TBC1D19: variants seen among roughly 807,000 people sequenced by gnomAD.
The protein encoded by TBC1D19 is TBC1 domain family member 19.
In TBC1D19, 60 loss-of-function variants were observed where a neutral mutation model predicts 89.0. That is an observed-to-expected ratio of 0.67 (90% CI 0.55 to 0.84). The LOEUF (loss-of-function observed/expected upper bound fraction) is 0.84. Among genes scored for constraint, TBC1D19 ranks in the 40% least tolerant of loss-of-function variants. TBC1D19 has a pLI of 0.00. For synonymous variants in TBC1D19, 189 were observed against 199.7 expected (o/e 0.95, Z 0.45); for missense variants, 500 against 610.8 (o/e 0.82, Z 1.91).
At chr4:26,818,984 T>C in the TBC1D19 span, among the ~76,000 whole-genome samples, 1 of 152,354 alleles carries the variant, frequency 6.6e-6, no homozygotes, top group Middle Eastern at 3.4e-3. Context: ...TTAGCTTATT[T>C]GTGCAAACAC....
the TBC1D19 span, among the ~76,000 whole-genome samples, chr4:26,815,784 T>C: frequency 6.6e-6 from 1 of 152,250 alleles, no homozygotes; most frequent in East Asian, 1.9e-4. Flanking sequence ...CGGTAATGTA[T>C]AGTTACACCT....
the TBC1D19 span, among the ~76,000 whole-genome samples, chr4:26,835,773 G>C: frequency 6.6e-6 from 1 of 152,090 alleles, no homozygotes; most frequent in Non-Finnish European, 1.5e-5. Context: ...ATCATGTCAC[G>C]TTTCTACTAT....
chr4:26,672,338 A>C, intron 10 of TBC1D19, 151 bp downstream of exon 10: 1 of 617,538 alleles, frequency 1.6e-6, no homozygotes, highest in South Asian at 1.9e-5. Context: ...TTACATAATG[A>C]GAATCTTTAT....
chr4:26,600,999 T>C (rs1740557057), intron 1 of TBC1D19, among the ~76,000 whole-genome samples: 1 of 152,148 alleles, frequency 6.6e-6, no homozygotes, highest in Non-Finnish European at 1.5e-5. Context: ...TTGAGAGAAA[T>C]TAGAAAAGTA....
chr4:26,584,018 A>AG (rs1164898882), upstream of TBC1D19: 5 of 622,764 alleles, frequency 8.0e-6, no homozygotes, highest in African/African-American at 5.6e-5. Flanking sequence ...TCAGGCGCTG[A>AG]GGGGACCAGA....
chr4:26,752,010 T>C (rs1398401293), intron 19 of TBC1D19, among the ~76,000 whole-genome samples: 2 of 152,198 alleles, frequency 1.3e-5, no homozygotes, highest in Non-Finnish European at 2.9e-5. Context: ...GAGCCAAGGT[T>C]GAGTATTGGC....
At chr4:26,742,992 A>G (rs142888939) in intron 18 of TBC1D19, among the ~76,000 whole-genome samples, 1 of 152,276 alleles carries the variant, frequency 6.6e-6, no homozygotes, top group Non-Finnish European at 1.5e-5. Context: ...TGAAAACTAT[A>G]AAAGTTAAAG....
intron 1 of TBC1D19, chr4:26,585,076 G>C: frequency 3.2e-6 from 1 of 310,474 alleles, no homozygotes. Flanking sequence ...TCTGGTTTTA[G>C]AGATTATAAG....
chr4:26,851,688 G>A, the TBC1D19 span, among the ~76,000 whole-genome samples: 2 of 152,134 alleles, frequency 1.3e-5, no homozygotes, highest in African/African-American at 4.8e-5. Context: ...GTCTATAAAT[G>A]TGTACCTTGC....
chr4:26,718,788 C>A (rs922082582), intron 14 of TBC1D19, among the ~76,000 whole-genome samples: 2 of 152,026 alleles, frequency 1.3e-5, no homozygotes, highest in Admixed American at 1.3e-4. Flanking sequence ...TTGTTTGTTT[C>A]TTTAAGTCTT....
At chr4:26,669,294 G>C (rs567692086) in intron 9 of TBC1D19, among the ~76,000 whole-genome samples, 1 of 151,798 alleles carries the variant, frequency 6.6e-6, no homozygotes, top group African/African-American at 2.4e-5. Context: ...TGTCAAATAG[G>C]GTTTGAGAAG....
chr4:26,708,361 A>C (rs1715896454), intron 13 of TBC1D19, among the ~76,000 whole-genome samples: 1 of 151,990 alleles, frequency 6.6e-6, no homozygotes, highest in South Asian at 2.1e-4. Flanking sequence ...CTTTATATTT[A>C]ATGAGTCATT....
At chr4:26,853,542 T>G in the TBC1D19 span, among the ~76,000 whole-genome samples, 4,787 of 152,220 alleles carry the variant, frequency 0.031, 144 homozygotes, top group African/African-American at 0.08. Flanking sequence ...AACTTTTTTT[T>G]TTTGTTTGTT....
At chr4:26,592,894 A>C (rs1007022624) in intron 1 of TBC1D19, among the ~76,000 whole-genome samples, 1 of 152,220 alleles carries the variant, frequency 6.6e-6, no homozygotes, top group African/African-American at 2.4e-5. Context: ...AATCAATATC[A>C]TGAAAATGGC....
At chr4:26,710,853 T>A (rs1171080008) in intron 13 of TBC1D19, among the ~76,000 whole-genome samples, 1 of 152,212 alleles carries the variant, frequency 6.6e-6, no homozygotes, top group Non-Finnish European at 1.5e-5. Context: ...GTTCATATCC[T>A]TCGCCCACGT....
the TBC1D19 span, chr4:26,858,730 G>A: frequency 6.6e-6 from 1 of 152,168 alleles, no homozygotes; most frequent in Non-Finnish European, 1.5e-5. Flanking sequence ...TGCGGTGGAG[G>A]GTTTATTCCT....
the TBC1D19 span, among the ~76,000 whole-genome samples, chr4:26,843,792 C>A: frequency 6.6e-6 from 1 of 152,160 alleles, no homozygotes; most frequent in Non-Finnish European, 1.5e-5. Flanking sequence ...AGGGCACCAG[C>A]ACCTGCTCAG....
At chr4:26,778,302 G>C in the TBC1D19 span, among the ~76,000 whole-genome samples, 1 of 152,078 alleles carries the variant, frequency 6.6e-6, no homozygotes, top group Admixed American at 6.6e-5. Context: ...TGTAGTCCCA[G>C]CTACTCGGGA....
chr4:26,786,027 A>G, the TBC1D19 span, among the ~76,000 whole-genome samples: 1 of 152,236 alleles, frequency 6.6e-6, no homozygotes, highest in Non-Finnish European at 1.5e-5. Context: ...CATGCTCATT[A>G]CAGGATTTTC....
Sources: allele counts gnomAD v4.1 joint callset (sites outside exome capture counted in the v4.1 genomes callset), GRCh38; gene constraint gnomAD v4.1.1; transcripts MANE v1.5; gene names NCBI Gene and HGNC (gene_info 2026-07-23, HGNC 2026-07-21).